Variants in FUT8 observed in about 807,000 individuals in gnomAD.
FUT8 encodes fucosyltransferase 8, also known as alpha-(1,6)-fucosyltransferase.
Under a neutral mutation model 71.3 loss-of-function variants are expected in FUT8, and 29 were observed. The ratio of observed to expected loss-of-function variants is 0.41; its 90% CI spans 0.30 to 0.55. The LOEUF is 0.55. FUT8 is among the 20% of genes least tolerant of loss of function. The pLI is 0.34. For missense variants in FUT8, 544 were observed against 702.1 expected (o/e 0.77, Z 2.55); for synonymous variants, 254 against 239.3 (o/e 1.06, Z -0.57).
At chr14:65,596,289 A>G (rs1423077255) in intron 3 of FUT8, among the ~76,000 whole-genome samples, 2 of 152,244 alleles carry the variant, frequency 1.3e-5, no homozygotes, top group Admixed American at 1.3e-4. Flanking sequence ...TAGATTTGCT[A>G]TAATAAAAAC....
At chr14:65,398,890 G>A in the FUT8 span, among the ~76,000 whole-genome samples, 2 of 152,174 alleles carry the variant, frequency 1.3e-5, no homozygotes, top group East Asian at 1.9e-4. Context: ...GAGCAAAGTG[G>A]TAAGCTGTGA....
chr14:65,482,189 G>T (rs900789191), intron 2 of FUT8, among the ~76,000 whole-genome samples: 6 of 151,982 alleles, frequency 3.9e-5, no homozygotes, highest in African/African-American at 1.4e-4. Flanking sequence ...ATTCTTTTTT[G>T]GGGGGTAGAG....
rs1360396776 is a variant in FUT8 at position 65,575,636 on chromosome 14, T to TC, written c.203+13875dup. ...CTTCCTTCCTTCCTCTTTTTTTTTT[T>TC]CCCCCACACTCTTGCTCTGTCCCCC... is the stretch of plus-strand genomic sequence containing the variant. On this transcript the variant is annotated intron_variant, in intron 3 of 10. Transcript: ENST00000673929. 9.2e-4 allele frequency among the ~76,000 whole-genome samples: 131 copies of TC among 141,660 alleles called. 1 individual carries two copies. Among genetic ancestry groups the TC allele is most frequent in the African/African-American group, 3.4e-3 (127 of 36,974 alleles). The allele number at this position is 141,660 out of a possible 152,430, so 92.9% of individuals were successfully genotyped here.
chr14:65,433,786 T>TTCTC (rs71126744), intron 1 of FUT8, among the ~76,000 whole-genome samples: 12,324 of 144,874 alleles, frequency 0.085, 880 homozygotes, highest in African/African-American at 0.19. Flanking sequence ...CTTCTGTCTC[T>TTCTC]TCTCTCTCTC....
At chr14:65,534,803 C>T (rs1884184344) in intron 2 of FUT8, among the ~76,000 whole-genome samples, 1 of 150,984 alleles carries the variant, frequency 6.6e-6, no homozygotes, top group Non-Finnish European at 1.5e-5. Context: ...TTATTTGGAT[C>T]TTCTCTTTTT....
intron 1 of FUT8, among the ~76,000 whole-genome samples, chr14:65,446,634 G>A (rs1000787015): frequency 1.4e-5 from 2 of 147,652 alleles, no homozygotes; most frequent in African/African-American, 5.0e-5. Flanking sequence ...CAGTTTTCAA[G>A]ATACTGAAAT....
chr14:65,583,220 A>G (rs1462725929), intron 3 of FUT8, among the ~76,000 whole-genome samples: 3 of 152,020 alleles, frequency 2.0e-5, no homozygotes, highest in African/African-American at 7.2e-5. Flanking sequence ...TCTGTTACCC[A>G]GGCTGAGTGC....
At chr14:65,732,269 G>A (rs764711070) in intron 9 of FUT8, among the ~76,000 whole-genome samples, 22 of 152,178 alleles carry the variant, frequency 1.4e-4, no homozygotes, top group Non-Finnish European at 2.9e-4. Flanking sequence ...ATGAAATGAA[G>A]AGAAACTGAA....
intron 5 of FUT8, among the ~76,000 whole-genome samples, chr14:65,618,047 A>ATG (rs1371839631): frequency 4.7e-3 from 518 of 109,876 alleles, no homozygotes; most frequent in African/African-American, 9.9e-3. Context: ...ATATATATAT[A>ATG]TATATATGTA....
chr14:65,646,669 T>C (rs1431557681), intron 6 of FUT8: 3 of 142,384 alleles, frequency 2.1e-5, no homozygotes, highest in Non-Finnish European at 4.6e-5. Context: ...TTCCAATGAC[T>C]TTTTTTTTTT....
chr14:65,547,335 A>T (rs1234679546), intron 2 of FUT8, among the ~76,000 whole-genome samples: 2 of 151,676 alleles, frequency 1.3e-5, no homozygotes, highest in Non-Finnish European at 3.0e-5. Flanking sequence ...AGGGACTTTA[A>T]AACAGTGTCC....
chr14:65,624,676 C>T (rs573676905), intron 5 of FUT8, among the ~76,000 whole-genome samples: 2 of 152,328 alleles, frequency 1.3e-5, no homozygotes, highest in East Asian at 1.9e-4. Context: ...ACACATTTGA[C>T]GTAAAACTGA....
intron 6 of FUT8, among the ~76,000 whole-genome samples, chr14:65,635,298 T>C (rs1263292318): frequency 6.6e-6 from 1 of 152,186 alleles, no homozygotes; most frequent in African/African-American, 2.4e-5. Flanking sequence ...CAGTGACGGT[T>C]TGACTTCCTC....
At chr14:65,511,760 C>A (rs1440743114) in intron 2 of FUT8, among the ~76,000 whole-genome samples, 2 of 152,086 alleles carry the variant, frequency 1.3e-5, no homozygotes, top group Admixed American at 6.5e-5. Flanking sequence ...TTTTCCATTT[C>A]TTTATTTTCA....
chr14:65,507,727 A>C (rs540069579), intron 2 of FUT8, among the ~76,000 whole-genome samples: 46 of 152,316 alleles, frequency 3.0e-4, no homozygotes, highest in African/African-American at 8.4e-4. Flanking sequence ...CTTGCTTTCA[A>C]ATCTTGGCTA....
At chr14:65,590,939 A>G (rs1046924888) in intron 3 of FUT8, among the ~76,000 whole-genome samples, 3 of 152,170 alleles carry the variant, frequency 2.0e-5, no homozygotes, top group African/African-American at 7.2e-5. Flanking sequence ...GGGAAAAACA[A>G]CATTTCTGGT....
intron 9 of FUT8, among the ~76,000 whole-genome samples, chr14:65,728,731 A>G (rs749976418): frequency 1.3e-5 from 2 of 152,220 alleles, no homozygotes; most frequent in African/African-American, 2.4e-5. Flanking sequence ...TCAGTATTCA[A>G]TACAATAGCT....
intron 5 of FUT8, among the ~76,000 whole-genome samples, chr14:65,618,041 ATATATATATATATGTATG>A (rs1889388133): frequency 8.6e-6 from 1 of 116,200 alleles, no homozygotes; most frequent in Non-Finnish European, 1.8e-5. Context: ...ATATATATAT[ATATATATATATATGTATG>A]TATATATTTA....
At chr14:65,470,096 C>G (rs894735397) in intron 2 of FUT8, among the ~76,000 whole-genome samples, 1 of 152,258 alleles carries the variant, frequency 6.6e-6, no homozygotes, top group Non-Finnish European at 1.5e-5. Context: ...AGCTCTCCAC[C>G]TCAGCTTCCT....
Sources: gnomAD v4.1 joint callset for allele counts (sites outside exome capture counted in the v4.1 genomes callset) on GRCh38, gnomAD v4.1.1 for gene constraint, MANE v1.5 for transcripts, NCBI Gene and HGNC (gene_info 2026-07-23, HGNC 2026-07-21) for gene names.